The following LHFPL4 variants were observed in gnomAD, a reference collection of about 807,000 sequenced individuals.
LHFPL4 encodes the protein LHFPL tetraspan subfamily member 4.
A neutral mutation model predicts 20.0 loss-of-function variants in LHFPL4; 6 were observed. That is an observed-to-expected ratio of 0.30 (90% CI 0.16 to 0.59). LHFPL4 has a LOEUF of 0.59. LHFPL4 is among the 20% of genes least tolerant of loss of function. The probability of loss-of-function intolerance (pLI) is 0.88; values close to 1 mark genes in which losing one functional copy is unlikely to be tolerated. For synonymous variants in LHFPL4, 129 were observed against 143.8 expected (o/e 0.90, Z 0.74); for missense variants, 215 against 331.2 (o/e 0.65, Z 2.72).
rs2046146417 is a variant in LHFPL4, at chr3:9,498,476, A to G, written c.*3735T>C. The G allele has an allele frequency of 6.5e-6, 1 of 152,736 alleles. No homozygotes were observed. The highest frequency in any genetic ancestry group is 6.5e-5 in the Admixed American group (1 of 15,282). The allele number at this position is 152,736 out of a possible 1,614,324, so 9.5% of individuals were successfully genotyped here. A position where few individuals can be genotyped will look rare whatever the true frequency, so the allele number is the denominator to read the frequency against. ...TAAATGTTACCAAATTAGACAATGA[A>G]CAGCGAGGACACACTCAGACAAAAC... On this transcript the variant is annotated 3_prime_UTR_variant, in exon 4 of 4. Transcript: ENST00000287585.
intron 2 of LHFPL4, among the ~76,000 whole-genome samples, chr3:9,544,993 A>G (rs1486940958): frequency 2.6e-5 from 4 of 152,104 alleles, no homozygotes; most frequent in Non-Finnish European, 5.9e-5. Flanking sequence ...CTCCCATCAG[A>G]CTATGAGCTC....
chr3:9,502,108 T>C lies in LHFPL4; in HGVS notation c.*103A>G. 1 of 828,484 alleles carries C rather than the reference T, an allele frequency of 1.2e-6. No individual in the cohort carries two copies. The highest frequency in any genetic ancestry group is 2.0e-6 in the Non-Finnish European group (1 of 489,714). 51.3% of individuals were successfully genotyped at this position (828,484 alleles called of 1,614,324 possible). Reference sequence around the variant, plus strand: ...TGCAGGGTAGTCGGTGAGAAGTAAGTCTGAGATCAGGGTCTTCCCTCAGAG... The same window carrying C: ...TGCAGGGTAGTCGGTGAGAAGTAAGCCTGAGATCAGGGTCTTCCCTCAGAG... On this transcript the variant is annotated 3_prime_UTR_variant, in exon 4 of 4. Coordinates refer to ENST00000287585, the MANE Select transcript of LHFPL4 (RefSeq NM_198560.3).
chr3:9,551,739 G>A (rs2046555662), intron 2 of LHFPL4, among the ~76,000 whole-genome samples: 8 of 152,022 alleles, frequency 5.3e-5, no homozygotes. Context: ...CCTTATCACA[G>A]CATTTTAAAG....
At chr3:9,538,840 A>G (rs367895830) in intron 2 of LHFPL4, among the ~76,000 whole-genome samples, 50 of 152,002 alleles carry the variant, frequency 3.3e-4, no homozygotes, top group African/African-American at 1.1e-3. Flanking sequence ...CTGGGATTAC[A>G]GGCATGCACC....
In LHFPL4 at chr3:9,534,035, G is replaced by A. The variant is rs535816728; in HGVS notation, c.406+18239C>T. Among the ~76,000 whole-genome samples, 463 of 152,010 alleles carry A rather than the reference G, an allele frequency of 3.0e-3. 1 individual carries two copies. Among genetic ancestry groups the A allele is most frequent in the Non-Finnish European group, 5.4e-3 (370 of 67,964 alleles). On this transcript the variant is annotated intron_variant, in intron 2 of 3. Coordinates refer to ENST00000287585, the MANE Select transcript of LHFPL4 (RefSeq NM_198560.3). ...TTGAGACCAGCCTGGGCAACGTGGC[G>A]AAACCCCGTCTCTACAAAAAATACC...
intron 2 of LHFPL4, among the ~76,000 whole-genome samples, chr3:9,538,075 C>T (rs1283765710): frequency 6.6e-6 from 1 of 152,150 alleles, no homozygotes; most frequent in African/African-American, 2.4e-5. Flanking sequence ...ATTGTAACAA[C>T]TGCCTTGTCC....
At chr3:9,522,579 A>C (rs1450250883) in intron 2 of LHFPL4, among the ~76,000 whole-genome samples, 1 of 151,566 alleles carries the variant, frequency 6.6e-6, no homozygotes, top group Admixed American at 6.6e-5. Context: ...GTTTCTACTA[A>C]AAAAAGCAAA....
At chr3:9,524,916 G>A (rs535173494) in intron 2 of LHFPL4, among the ~76,000 whole-genome samples, 27 of 152,286 alleles carry the variant, frequency 1.8e-4, no homozygotes, top group Middle Eastern at 3.4e-3. Context: ...GCATTCTATA[G>A]TCCTACAAAG....
intron 2 of LHFPL4, among the ~76,000 whole-genome samples, chr3:9,514,316 A>G (rs1204338518): frequency 6.6e-6 from 1 of 152,216 alleles, no homozygotes; most frequent in Non-Finnish European, 1.5e-5. Context: ...AATACTGTAT[A>G]TAGTATAATC....
chr3:9,543,944 A>C (rs1394880512), intron 2 of LHFPL4, among the ~76,000 whole-genome samples: 1 of 151,766 alleles, frequency 6.6e-6, no homozygotes, highest in Non-Finnish European at 1.5e-5. Context: ...GCTGGTCTCA[A>C]ACTCCTGGGC....
At chr3:9,553,253 A>G (rs1177682081) in intron 1 of LHFPL4, among the ~76,000 whole-genome samples, 3 of 145,474 alleles carry the variant, frequency 2.1e-5, no homozygotes, top group African/African-American at 7.8e-5. Flanking sequence ...AGGGAATTTA[A>G]GAGGCTGGGA....
chr3:9,526,232 G>A (rs1174129704), intron 2 of LHFPL4, among the ~76,000 whole-genome samples: 1 of 152,108 alleles, frequency 6.6e-6, no homozygotes, highest in African/African-American at 2.4e-5. Context: ...GGGGGAGGGA[G>A]GAATGCGGAG....
At chr3:9,510,046 G>A (rs2046247034) in intron 2 of LHFPL4, among the ~76,000 whole-genome samples, 1 of 152,188 alleles carries the variant, frequency 6.6e-6, no homozygotes, top group Non-Finnish European at 1.5e-5. Flanking sequence ...TGACATTCAA[G>A]CTAGATGATT....
intron 3 of LHFPL4, among the ~76,000 whole-genome samples, chr3:9,504,824 C>CAAAAA (rs35221511): frequency 6.9e-6 from 1 of 144,996 alleles, no homozygotes. Context: ...GACTCCATCT[C>CAAAAA]AAAAAAAAAA....
rs183300956 is a variant in LHFPL4, at chr3:9,547,774, G to C, written c.406+4500C>G. 5.3e-4 allele frequency among the ~76,000 whole-genome samples: 77 copies of C among 145,138 alleles called. 1 individual carries two copies. The highest frequency in any genetic ancestry group is 6.8e-3 in the Middle Eastern group (2 of 292). On this transcript the variant is annotated intron_variant, in intron 2 of 3. Transcript: ENST00000287585. ...TTAATCCTCCTTTAACCAAGATCTC[G>C]GAGATTTTTGTTCTTTGTTTTGTTT...
At chr3:9,519,777 T>G (rs1222152083) in intron 2 of LHFPL4, among the ~76,000 whole-genome samples, 2 of 152,022 alleles carry the variant, frequency 1.3e-5, no homozygotes, top group African/African-American at 4.8e-5. Flanking sequence ...TGTTCTCAAT[T>G]CCTGAGCTCA....
chr3:9,532,876 C>T (rs992473489), intron 2 of LHFPL4, among the ~76,000 whole-genome samples: 2 of 152,126 alleles, frequency 1.3e-5, no homozygotes, highest in Non-Finnish European at 2.9e-5. Flanking sequence ...TCACCTGGGT[C>T]CCTGTCCCCC....
At position 9,547,659 on chromosome 3, in the gene LHFPL4, C is replaced by T. The variant is rs191031832; in HGVS notation, c.406+4615G>A. Among the ~76,000 whole-genome samples the T allele has an allele frequency of 1.5e-3, 225 of 152,270 alleles. 1 individual carries two copies. The highest frequency in any genetic ancestry group is 4.9e-3 in the African/African-American group (203 of 41,564). On this transcript the variant is annotated intron_variant, in intron 2 of 3. Coordinates refer to ENST00000287585, the MANE Select transcript of LHFPL4 (RefSeq NM_198560.3). The stretch of plus-strand genomic sequence containing the variant: ...GATATTCTTAGTAAATGGGAACAAC[C>T]GGGTAAAAAACGTAGCAGAGATATC...
intron 2 of LHFPL4, among the ~76,000 whole-genome samples, chr3:9,524,453 C>T (rs75790725): frequency 0.15 from 23,053 of 151,888 alleles, 1,829 homozygotes; most frequent in Non-Finnish European, 0.17. Flanking sequence ...TAGTCTTTTT[C>T]CCTTTACTTT....
Sources: gnomAD v4.1 joint callset for allele counts (sites outside exome capture counted in the v4.1 genomes callset) on GRCh38, gnomAD v4.1.1 for gene constraint, MANE v1.5 for transcripts, NCBI Gene and HGNC (gene_info 2026-07-23, HGNC 2026-07-21) for gene names.